CSGALNACT1: variants seen among roughly 807,000 people sequenced by gnomAD.
The protein encoded by CSGALNACT1 is chondroitin sulfate N-acetylgalactosaminyltransferase 1.
In CSGALNACT1, 52 loss-of-function variants were observed where a neutral mutation model predicts 51.0. The ratio of observed to expected loss-of-function variants is 1.02; its 90% CI spans 0.82 to 1.29. The LOEUF is 1.29. CSGALNACT1 is among the 50% of genes most tolerant of loss of function. CSGALNACT1 has a pLI of 0.00. For missense variants in CSGALNACT1, 935 were observed against 679.2 expected (o/e 1.38, Z -4.19); for synonymous variants, 341 against 254.4 (o/e 1.34, Z -3.24).
chr8:19,532,615 C>CA (rs1315295647), intron 3 of CSGALNACT1, among the ~76,000 whole-genome samples: 2 of 152,170 alleles, frequency 1.3e-5, no homozygotes, highest in East Asian at 3.8e-4. Context: ...CACTGACCCT[C>CA]AAAGTCTTTC....
chr8:19,409,020 C>T (rs937450293), intron 8 of CSGALNACT1, among the ~76,000 whole-genome samples: 39 of 148,386 alleles, frequency 2.6e-4, no homozygotes, highest in Admixed American at 1.3e-3. Context: ...TGAGCAGTGC[C>T]GTGGAAAAGC....
chr8:19,522,593 G>A (rs1427110330), intron 3 of CSGALNACT1, among the ~76,000 whole-genome samples: 1 of 152,150 alleles, frequency 6.6e-6, no homozygotes, highest in Non-Finnish European at 1.5e-5. Flanking sequence ...AGATTCCATA[G>A]TTGTACACAT....
chr8:19,597,204 T>C (rs552038249), intron 2 of CSGALNACT1, among the ~76,000 whole-genome samples: 24 of 152,198 alleles, frequency 1.6e-4, no homozygotes, highest in African/African-American at 4.6e-4. Context: ...AAATATTCCA[T>C]TGTATGGATA....
intron 1 of CSGALNACT1, among the ~76,000 whole-genome samples, chr8:19,633,208 T>C (rs960161316): frequency 2.0e-5 from 3 of 152,120 alleles, no homozygotes; most frequent in African/African-American, 7.2e-5. Flanking sequence ...CTTCCCCAGG[T>C]CGTCGGTGAA....
At chr8:19,746,978 C>G (rs1563210724) in intron 1 of CSGALNACT1, among the ~76,000 whole-genome samples, 2 of 152,150 alleles carry the variant, frequency 1.3e-5, no homozygotes, top group Non-Finnish European at 2.9e-5. Flanking sequence ...GTTTAAAGAG[C>G]CAATGCCTCC....
At position 19,613,040 on chromosome 8, in the gene CSGALNACT1, C is replaced by G. The variant is rs76015831; in HGVS notation, c.-543-11175G>C. Among the ~76,000 whole-genome samples, 1,370 of 140,866 alleles carry G rather than the reference C, an allele frequency of 9.7e-3. 24 individuals carry two copies. Among genetic ancestry groups the G allele is most frequent in the African/African-American group, 0.034 (1,278 of 37,674 alleles). 92.4% of individuals were successfully genotyped at this position (140,866 alleles called of 152,430 possible). A position where few individuals can be genotyped will look rare whatever the true frequency, so the allele number is the denominator to read the frequency against. On this transcript the variant is annotated intron_variant, in intron 1 of 9. Coordinates refer to the CSGALNACT1 transcript ENST00000332246. ...CAACTTGTCTCATGAATTTTCATAT[C>G]CATATTTTGGGGTTTTCACTGAATT...
intron 1 of CSGALNACT1, among the ~76,000 whole-genome samples, chr8:19,637,973 GT>G: frequency 6.6e-6 from 1 of 152,194 alleles, no homozygotes; most frequent in East Asian, 1.9e-4. Flanking sequence ...GAAAGTGCTG[GT>G]TAAACCGAAG....
In CSGALNACT1 at chr8:19,646,339, T is replaced by C. The variant is rs575277361; in HGVS notation, c.-544+36134A>G. Among the ~76,000 whole-genome samples, 4 of 152,326 alleles carry C rather than the reference T, an allele frequency of 2.6e-5. No individual in the cohort carries two copies. In the South Asian group the frequency reaches 8.3e-4, roughly 32 times the overall value. ...GCTGAAGAAAGATCCTGTGTGATTT[T>C]GCTGATCACTGAAAAGTTAAAGGGC... is the stretch of plus-strand genomic sequence containing the variant. On this transcript the variant is annotated intron_variant, in intron 1 of 9. Transcript: ENST00000332246.
rs1042812489 is a variant in CSGALNACT1 at position 19,551,115 on chromosome 8, G to C, written c.-297+40045C>G. On this transcript the variant is annotated intron_variant, in intron 3 of 9. Coordinates refer to ENST00000454498, the Ensembl canonical transcript of CSGALNACT1. The stretch of plus-strand genomic sequence containing the variant: ...TTAACCAGCAAAATTTCAAGAGTTT[G>C]TTTTGCAGAACAATGAAGAAAAAAA... 2.6e-5 allele frequency among the ~76,000 whole-genome samples: 4 copies of C among 152,202 alleles called. No individual in the cohort carries two copies. The South Asian group carries it at 8.3e-4, about 32-fold the overall frequency.
intron 4 of CSGALNACT1, among the ~76,000 whole-genome samples, chr8:19,504,182 T>C (rs2076898090): frequency 1.3e-5 from 2 of 152,180 alleles, no homozygotes; most frequent in African/African-American, 2.4e-5. Flanking sequence ...GTTCACGCCA[T>C]TCTCCTGCCT....
intron 3 of CSGALNACT1, among the ~76,000 whole-genome samples, chr8:19,570,534 C>T (rs987403209): frequency 1.3e-5 from 2 of 152,102 alleles, no homozygotes; most frequent in Non-Finnish European, 2.9e-5. Flanking sequence ...AGGAGTGGTA[C>T]CTCTGACTCC....
At chr8:19,691,169 C>A (rs770830835) in intron 1 of CSGALNACT1, among the ~76,000 whole-genome samples, 1 of 152,222 alleles carries the variant, frequency 6.6e-6, no homozygotes, top group Non-Finnish European at 1.5e-5. Flanking sequence ...CAAGAGGCCA[C>A]GCCCGAAGGA....
chr8:19,728,000 C>G (rs891182846), intron 1 of CSGALNACT1, among the ~76,000 whole-genome samples: 1 of 152,090 alleles, frequency 6.6e-6, no homozygotes, highest in Non-Finnish European at 1.5e-5. Flanking sequence ...ATTCCAAGTG[C>G]GACTGGAGTT....
intron 5 of CSGALNACT1, among the ~76,000 whole-genome samples, chr8:19,446,250 G>A (rs905749458): frequency 5.3e-5 from 8 of 152,110 alleles, no homozygotes; most frequent in Admixed American, 1.3e-4. Flanking sequence ...TTCAAACTCC[G>A]GGCTTTGCAC....
intron 3 of CSGALNACT1, among the ~76,000 whole-genome samples, chr8:19,509,051 A>C (rs564025365): frequency 2.6e-5 from 4 of 152,374 alleles, no homozygotes; most frequent in Non-Finnish European, 4.4e-5. Flanking sequence ...ACAAAAAGTC[A>C]TAAGAACTGC....
At chr8:19,672,325 C>T (rs1260514486) in intron 1 of CSGALNACT1, among the ~76,000 whole-genome samples, 1 of 152,154 alleles carries the variant, frequency 6.6e-6, no homozygotes, top group Non-Finnish European at 1.5e-5. Context: ...ACATGCAATA[C>T]CCATTAGATT....
intron 1 of CSGALNACT1, among the ~76,000 whole-genome samples, chr8:19,616,682 T>TTC (rs141483018): frequency 0.039 from 5,801 of 150,432 alleles, 342 homozygotes; most frequent in African/African-American, 0.12. Context: ...TCCCCCCTCA[T>TTC]TCTCTCTCTC....
rs930337775 is a variant in CSGALNACT1 at position 19,405,868 on chromosome 8, T to C, written c.1511A>G (p.His504Arg). Reference sequence around the variant, plus strand: ...GAACACCAGCATGCCCAGCTGGCCGTGGGATGCCTCGTTCATGGCCTTGGA... The same window carrying C: ...GAACACCAGCATGCCCAGCTGGCCGCGGGATGCCTCGTTCATGGCCTTGGA... Residue 504 changes from histidine (H) to arginine (R), a missense_variant, in exon 10 of 10, where the codon CAC becomes CGC. By Grantham distance (29) the His-to-Arg change is conservative (BLOSUM62 0). Coordinates refer to ENST00000454498, the Ensembl canonical transcript of CSGALNACT1. 16 of 1,614,054 alleles carry C rather than the reference T, an allele frequency of 9.9e-6. No homozygotes were observed. The highest frequency in any genetic ancestry group is 1.3e-5 in the Non-Finnish European group (15 of 1,180,026).
chr8:19,572,808 T>C (rs6990383), intron 3 of CSGALNACT1, among the ~76,000 whole-genome samples: 3,444 of 152,298 alleles, frequency 0.023, 147 homozygotes, highest in African/African-American at 0.079. Flanking sequence ...AGTAAGATTT[T>C]TCATGAACAT....
Sources: gnomAD v4.1 joint callset for allele counts (sites outside exome capture counted in the v4.1 genomes callset) on GRCh38, gnomAD v4.1.1 for gene constraint, MANE v1.5 for transcripts, NCBI Gene and HGNC (gene_info 2026-07-23, HGNC 2026-07-21) for gene names.